TMEM131L: variants seen among roughly 807,000 people sequenced by gnomAD.
TMEM131L encodes the protein transmembrane protein 131-like.
In TMEM131L, 54 loss-of-function variants were observed where a neutral mutation model predicts 192.2. The ratio of observed to expected loss-of-function variants is 0.28; its 90% CI spans 0.23 to 0.35. The LOEUF is 0.35. TMEM131L is among the 10% of genes least tolerant of loss of function. The pLI is 1.00. For missense variants in TMEM131L, 1,888 were observed against 1,972.9 expected, an observed-to-expected ratio of 0.96 and a Z score of 0.82; for synonymous variants, 701 against 704.9, an observed-to-expected ratio of 0.99 and a Z score of 0.09.
chr4:153,522,060 G>A (rs964036123), intron 3 of TMEM131L, among the ~76,000 whole-genome samples: 8 of 152,068 alleles, frequency 5.3e-5, no homozygotes, highest in South Asian at 2.1e-4. Context: ...AATCTTACAC[G>A]TGCTGCCCTG....
intron 3 of TMEM131L, among the ~76,000 whole-genome samples, chr4:153,486,924 T>C (rs1732377366): frequency 6.6e-6 from 1 of 152,234 alleles, no homozygotes; most frequent in African/African-American, 2.4e-5. Flanking sequence ...AGTGCTATGC[T>C]GGGCCACCTG....
In TMEM131L at chr4:153,467,199, G is replaced by T; in HGVS notation, c.125-12G>T. The T allele has an allele frequency of 6.4e-7, 1 of 1,551,568 alleles. No individual in the cohort carries two copies. The highest frequency in any genetic ancestry group is 8.7e-7 in the Non-Finnish European group (1 of 1,146,856). On this transcript the variant is annotated splice_polypyrimidine_tract_variant and intron_variant, in intron 1 of 34. Transcript: ENST00000409959. ...CATTAAAAACGTGGTGTATTTTTTG[G>T]TGTTCCTGCAGCGATTGAGCCGTTG... is the stretch of plus-strand genomic sequence containing the variant.
chr4:153,550,044 CAA>C (rs1346377122), intron 3 of TMEM131L, 27 bp from the exon 4 acceptor site: 1 of 1,245,730 alleles, frequency 8.0e-7, no homozygotes, highest in African/African-American at 1.5e-5. Flanking sequence ...AAAACTACAA[CAA>C]AATCAACCTC....
At chr4:153,601,033 C>G (rs2150935043) in intron 21 of TMEM131L, among the ~76,000 whole-genome samples, 1 of 150,792 alleles carries the variant, frequency 6.6e-6, no homozygotes. Flanking sequence ...TTGCTTGAAA[C>G]TGGAAGGTAG....
At chr4:153,488,162 TGAGA>T (rs149590325) in intron 3 of TMEM131L, among the ~76,000 whole-genome samples, 2,565 of 140,322 alleles carry the variant, frequency 0.018, 73 homozygotes, top group African/African-American at 0.062. Flanking sequence ...GAGTTTTGTG[TGAGA>T]GAGAGAGACC....
chr4:153,557,898 G>T (rs914605968), intron 6 of TMEM131L, among the ~76,000 whole-genome samples: 3 of 152,280 alleles, frequency 2.0e-5, no homozygotes, highest in African/African-American at 4.8e-5. Flanking sequence ...CCAGGCACAA[G>T]CGATTCTCCT....
intron 3 of TMEM131L, among the ~76,000 whole-genome samples, chr4:153,483,110 T>G (rs542478114): frequency 3.3e-5 from 5 of 152,292 alleles, no homozygotes; most frequent in Non-Finnish European, 7.4e-5. Flanking sequence ...ATGTCAACTT[T>G]CCTGAAACAA....
chr4:153,567,049 G>GCTGATC (rs1729255850), intron 7 of TMEM131L, among the ~76,000 whole-genome samples: 1 of 152,210 alleles, frequency 6.6e-6, no homozygotes, highest in African/African-American at 2.4e-5. Context: ...CCTGCTACTT[G>GCTGATC]CCTTCTAAGG....
chr4:153,489,098 G>C (rs768474967), intron 3 of TMEM131L, among the ~76,000 whole-genome samples: 3 of 152,154 alleles, frequency 2.0e-5, no homozygotes, highest in Non-Finnish European at 2.9e-5. Context: ...ATCATGTTGG[G>C]GTTGGTGGAG....
chr4:153,525,952 G>T (rs528616503), intron 3 of TMEM131L, among the ~76,000 whole-genome samples: 136 of 152,184 alleles, frequency 8.9e-4, no homozygotes, highest in African/African-American at 3.1e-3. Flanking sequence ...TGCCTCCCGG[G>T]TTCAAGTGAT....
At chr4:153,533,837 A>G (rs1322836456) in intron 3 of TMEM131L, among the ~76,000 whole-genome samples, 1 of 152,196 alleles carries the variant, frequency 6.6e-6, no homozygotes, top group Non-Finnish European at 1.5e-5. Context: ...AGCATTCGTA[A>G]TTTAGCAAAT....
intron 25 of TMEM131L, among the ~76,000 whole-genome samples, chr4:153,611,075 G>A (rs1732577254): frequency 6.6e-6 from 1 of 152,198 alleles, no homozygotes; most frequent in Non-Finnish European, 1.5e-5. Context: ...AAGAAAAATG[G>A]AAGAAAACAT....
At chr4:153,504,273 T>C (rs1733824677) in intron 3 of TMEM131L, among the ~76,000 whole-genome samples, 1 of 81,030 alleles carries the variant, frequency 1.2e-5, no homozygotes, top group African/African-American at 8.3e-5. Context: ...GGCCTTTTTT[T>C]TTTTTTTTTT....
intron 3 of TMEM131L, among the ~76,000 whole-genome samples, chr4:153,520,653 C>T (rs998254846): frequency 6.6e-6 from 1 of 152,176 alleles, no homozygotes; most frequent in South Asian, 2.1e-4. Flanking sequence ...GTTTGAAAAG[C>T]GCTGATGAGA....
intron 7 of TMEM131L, among the ~76,000 whole-genome samples, chr4:153,575,145 G>A (rs1478194958): frequency 1.3e-5 from 2 of 152,168 alleles, no homozygotes; most frequent in Admixed American, 1.3e-4. Flanking sequence ...TTGTTGATAA[G>A]ACATCAGAAT....
In TMEM131L at chr4:153,590,667, A is replaced by AT. The variant is rs796381055; in HGVS notation, c.1671-376dup. Among the ~76,000 whole-genome samples, 33 of 150,804 alleles carry AT rather than the reference A, an allele frequency of 2.2e-4. No individual in the cohort carries two copies. In the South Asian group the frequency reaches 2.7e-3, roughly 12 times the overall value. On this transcript the variant is annotated intron_variant, in intron 16 of 34. Coordinates refer to ENST00000409959, the MANE Select transcript of TMEM131L (RefSeq NM_001131007.2). Reference sequence around the variant, plus strand: ...TTGTTCATTCTACATTTATTGGCAGATTTTTTTTTTCTAAAAGAGTGTTTC... The same window carrying AT: ...TTGTTCATTCTACATTTATTGGCAGATTTTTTTTTTTCTAAAAGAGTGTTTC...
chr4:153,611,169 C>T (rs979147128), intron 25 of TMEM131L, among the ~76,000 whole-genome samples: 2 of 152,250 alleles, frequency 1.3e-5, no homozygotes, highest in South Asian at 2.1e-4. Flanking sequence ...GGCTGCTCCA[C>T]AGGGGCAGGG....
chr4:153,543,065 G>A (rs959982892), intron 3 of TMEM131L, among the ~76,000 whole-genome samples: 2 of 152,174 alleles, frequency 1.3e-5, no homozygotes, highest in South Asian at 2.1e-4. Context: ...TCTTGGTATC[G>A]CTCCAAGGAC....
rs767442745 is a variant in TMEM131L, at chr4:153,559,675, A to G, written c.660+1307A>G. 3.3e-4 allele frequency among the ~76,000 whole-genome samples: 50 copies of G among 151,994 alleles called. 1 individual carries two copies. Among genetic ancestry groups the G allele is most frequent in the Admixed American group, 2.0e-3 (30 of 15,246 alleles). ...CACTGCCCTTTACCACACCCAGGACATCCTCATCTCTCTGATGGCCAACTG... is the reference window on the plus strand; with the variant it reads ...CACTGCCCTTTACCACACCCAGGACGTCCTCATCTCTCTGATGGCCAACTG... On this transcript the variant is annotated intron_variant, in intron 7 of 34. Transcript: ENST00000409959.
Sources: allele counts gnomAD v4.1 joint callset (sites outside exome capture counted in the v4.1 genomes callset), GRCh38; gene constraint gnomAD v4.1.1; transcripts MANE v1.5; gene names NCBI Gene and HGNC (gene_info 2026-07-23, HGNC 2026-07-21).